Variants in SNTN observed in about 807,000 individuals in gnomAD.
SNTN encodes sentan.
SNTN carries 13 observed loss-of-function variants against 12.3 expected under a neutral mutation model. The ratio of observed to expected loss-of-function variants is 1.05; its 90% CI spans 0.69 to 1.67. SNTN has a LOEUF of 1.67. Among genes scored for constraint, SNTN ranks in the 40% most tolerant of loss-of-function variants. SNTN has a pLI of 0.00. For synonymous variants in SNTN, 69 were observed against 58.5 expected, an observed-to-expected ratio of 1.18 and a Z score of -0.82; for missense variants, 189 against 169.8, an observed-to-expected ratio of 1.11 and a Z score of -0.63.
intron 2 of SNTN, among the ~76,000 whole-genome samples, chr3:63,655,473 C>T (rs1700668366): frequency 6.6e-6 from 1 of 152,066 alleles, no homozygotes; most frequent in South Asian, 2.1e-4. Flanking sequence ...AATAAATCTC[C>T]ATCTTCATGG....
At chr3:63,662,907 TA>T (rs1176280593) in intron 3 of SNTN, among the ~76,000 whole-genome samples, 5 of 152,242 alleles carry the variant, frequency 3.3e-5, no homozygotes, top group Non-Finnish European at 7.3e-5. Context: ...GATTTGAAAT[TA>T]AAAAGTCTCT....
chr3:63,664,904 C>T lies in SNTN; in HGVS notation c.*809C>T, dbSNP rs1700785669. Among the ~76,000 whole-genome samples the T allele has an allele frequency of 6.6e-6, 1 of 152,116 alleles. No individual in the cohort carries two copies. Among genetic ancestry groups the T allele is most frequent in the South Asian group, 2.1e-4 (1 of 4,830 alleles). ...AGTAGCTGGGATTACAGGCGTGTGCCACGATGCCAGGCTAATTTTTTTTGT... is the reference window on the plus strand; with the variant it reads ...AGTAGCTGGGATTACAGGCGTGTGCTACGATGCCAGGCTAATTTTTTTTGT... On this transcript the variant is annotated 3_prime_UTR_variant, in exon 4 of 4. Transcript: ENST00000343837.
At chr3:63,659,268 T>C (rs1372168112) in intron 2 of SNTN, among the ~76,000 whole-genome samples, 3 of 152,148 alleles carry the variant, frequency 2.0e-5, no homozygotes, top group African/African-American at 7.2e-5. Context: ...TTCCTGAAAG[T>C]CATTCTCCTT....
chr3:63,659,618 C>G (rs937510323), intron 2 of SNTN, 107 bp from the exon 3 acceptor site: 2 of 1,354,042 alleles, frequency 1.5e-6, no homozygotes, highest in Non-Finnish European at 2.0e-6. Context: ...GGCAAAGGGC[C>G]AAGATTTAGA....
At chr3:63,661,325 C>G (rs1700741402) in intron 3 of SNTN, among the ~76,000 whole-genome samples, 1 of 152,116 alleles carries the variant, frequency 6.6e-6, no homozygotes, top group Admixed American at 6.5e-5. Context: ...GTCTCCAAGT[C>G]CCTGTATCTG....
At chr3:63,659,019 C>T (rs1346429476) in intron 2 of SNTN, among the ~76,000 whole-genome samples, 2 of 151,890 alleles carry the variant, frequency 1.3e-5, no homozygotes, top group Non-Finnish European at 2.9e-5. Context: ...CATGTAATAT[C>T]TGTAAAGGGT....
intron 2 of SNTN, 62 bp downstream of exon 2, chr3:63,654,858 T>TA (rs5849568): frequency 4.1e-4 from 567 of 1,389,562 alleles, no homozygotes; most frequent in Middle Eastern, 5.5e-4. Context: ...TGCCAAGTGT[T>TA]AAAAAAAAAT....
At chr3:63,663,820 A>T in intron 3 of SNTN, 117 bp from the exon 4 acceptor site, 1 of 1,303,526 alleles carries the variant, frequency 7.7e-7, no homozygotes, top group Non-Finnish European at 1.1e-6. Context: ...TTTATAAATC[A>T]CTCAGTCTCA....
Position 63,663,960 on chromosome 3 carries a change from C to T in SNTN, c.309C>T (p.Tyr103=). The stretch of plus-strand genomic sequence containing the variant: ...AGGGACAAGAAACCAAGCCAAAATA[C>T]AGAGAGATCCTTTCTGAACTTGATG... ...FAEGQETKPK[Y]REILSELDEH... Residue 103 remains tyrosine, a synonymous_variant, in exon 4 of 4, where the codon TAC becomes TAT. Transcript: ENST00000343837. The T allele has an allele frequency of 1.2e-6, 2 of 1,612,514 alleles. No individual in the cohort carries two copies. The highest frequency in any genetic ancestry group is 1.7e-6 in the Non-Finnish European group (2 of 1,179,638).
chr3:63,654,868 TA>T, intron 2 of SNTN, 72 bp downstream of exon 2: 1 of 1,308,026 alleles, frequency 7.6e-7, no homozygotes. Context: ...TAAAAAAAAA[TA>T]ATAGGACATC....
chr3:63,664,071 A>G lies in SNTN; in HGVS notation c.420A>G (p.Ile140Met). 1 of 1,609,834 alleles carries G rather than the reference A, an allele frequency of 6.2e-7. No individual in the cohort carries two copies. The highest frequency in any genetic ancestry group is 8.5e-7 in the Non-Finnish European group (1 of 1,178,642). Residue 140 changes from isoleucine to methionine, a missense_variant, in exon 4 of 4, where the codon ATA (isoleucine) becomes ATG (methionine). By Grantham distance (10) the Ile-to-Met change is conservative. Transcript: ENST00000343837. Reference protein sequence around the residue: ...ITVMSDLLQNIRNVKIMK With the variant: ...ITVMSDLLQNMRNVKIMK Reference sequence around the variant, plus strand: ...TCATGTCAGATCTGCTACAAAATATACGGAATGTAAAAATTATGAAATGAA... The same window carrying G: ...TCATGTCAGATCTGCTACAAAATATGCGGAATGTAAAAATTATGAAATGAA...
intron 2 of SNTN, among the ~76,000 whole-genome samples, chr3:63,657,264 G>A (rs1261748310): frequency 6.6e-6 from 1 of 152,070 alleles, no homozygotes; most frequent in Admixed American, 6.6e-5. Flanking sequence ...AGCAGAAATC[G>A]GCCTGGCTTA....
chr3:63,662,257 C>A (rs1356354555), intron 3 of SNTN, among the ~76,000 whole-genome samples: 1 of 152,174 alleles, frequency 6.6e-6, no homozygotes, highest in Non-Finnish European at 1.5e-5. Flanking sequence ...CCACTTCATT[C>A]CTAACTGGGC....
Position 63,655,584 on chromosome 3 carries a change from A to T in SNTN, c.145+788A>T, listed in dbSNP as rs535060462. On this transcript the variant is annotated intron_variant, in intron 2 of 3. Transcript: ENST00000343837. The stretch of plus-strand genomic sequence containing the variant: ...TGAGAATTGTCCCATCACATGTCTA[A>T]CATAACTTCTCCTTCTGGGAGGTTG... 3.9e-5 allele frequency among the ~76,000 whole-genome samples: 6 copies of T among 152,314 alleles called. No individual in the cohort carries two copies. In the East Asian group the frequency reaches 1.2e-3, roughly 29 times the overall value.
At chr3:63,653,916 C>T (rs1700647752) in intron 1 of SNTN, among the ~76,000 whole-genome samples, 1 of 152,158 alleles carries the variant, frequency 6.6e-6, no homozygotes. Flanking sequence ...AGGTGCCACC[C>T]ACACTATACC....
At position 63,664,155 on chromosome 3, in the gene SNTN, A is replaced by G. The variant is rs1164108158; in HGVS notation, c.*60A>G. ...AAGACAGTGTTATTAAAATGTTTCCATCTTATTTTTGATTAATTGAATATA... is the reference window on the plus strand; with the variant it reads ...AAGACAGTGTTATTAAAATGTTTCCGTCTTATTTTTGATTAATTGAATATA... On this transcript the variant is annotated 3_prime_UTR_variant, in exon 4 of 4. Coordinates refer to ENST00000343837, the MANE Select transcript of SNTN (RefSeq NM_001080537.2). The G allele has an allele frequency of 3.4e-6, 5 of 1,453,194 alleles. No individual in the cohort carries two copies. Among genetic ancestry groups the G allele is most frequent in the South Asian group, 1.4e-5 (1 of 72,410 alleles). 90.0% of individuals were successfully genotyped at this position (1,453,194 alleles called of 1,614,324 possible).
intron 1 of SNTN, among the ~76,000 whole-genome samples, chr3:63,654,543 A>T (rs528142933): frequency 6.6e-6 from 1 of 152,298 alleles, no homozygotes; most frequent in South Asian, 2.1e-4. Context: ...TACAAGGAAG[A>T]CTGATATACG....
intron 3 of SNTN, chr3:63,663,711 C>G (rs1214588051): frequency 1.5e-6 from 1 of 657,742 alleles, no homozygotes; most frequent in Admixed American, 2.1e-5. Flanking sequence ...CCTTCACCTT[C>G]TACCATGAGT....
In SNTN at chr3:63,652,763, A is replaced by G. The variant is rs776027778; in HGVS notation, c.76A>G (p.Thr26Ala). ...EGDPNPSAAPTSTCAPRKMPK... is the reference protein window; with the variant it reads ...EGDPNPSAAPASTCAPRKMPK... Reference sequence around the variant, plus strand: ...AGATCCCAATCCTTCTGCAGCCCCAACATCCACCTGCGCACCTAGGAAAAT... The same window carrying G: ...AGATCCCAATCCTTCTGCAGCCCCAGCATCCACCTGCGCACCTAGGAAAAT... Residue 26 changes from threonine to alanine, a missense_variant, in exon 1 of 4, where the codon ACA (threonine) becomes GCA (alanine). Coordinates refer to ENST00000343837, the MANE Select transcript of SNTN (RefSeq NM_001080537.2). The G allele has an allele frequency of 5.0e-6, 8 of 1,614,056 alleles. No homozygotes were observed. The East Asian group carries it at 8.9e-5, about 18-fold the overall frequency.
Sources: allele counts gnomAD v4.1 joint callset (sites outside exome capture counted in the v4.1 genomes callset), GRCh38; gene constraint gnomAD v4.1.1; transcripts MANE v1.5; gene names NCBI Gene and HGNC (gene_info 2026-07-23, HGNC 2026-07-21).